The following PACRGL variants were observed in gnomAD, a reference collection of about 807,000 sequenced individuals.
PACRGL encodes PACRG-like protein.
PACRGL carries 38 observed loss-of-function variants against 34.5 expected under a neutral mutation model. That is an observed-to-expected ratio of 1.10 (90% CI 0.85 to 1.44). The LOEUF is 1.44. Ranked by LOEUF, PACRGL falls within the 40% of genes most tolerant of loss-of-function variation. The pLI, the probability that PACRGL is intolerant of heterozygous loss-of-function variation, is 0.00. For synonymous variants in PACRGL, 128 were observed against 100.1 expected (o/e 1.28, Z -1.66); for missense variants, 305 against 281.4 (o/e 1.08, Z -0.60).
intron 7 of PACRGL, chr4:20,716,328 G>A (rs1268640546): frequency 8.7e-6 from 5 of 573,018 alleles, no homozygotes; most frequent in Middle Eastern, 2.6e-4. Context: ...AGTTATTCAT[G>A]CAGTGTTTTT....
chr4:20,748,560 T>TA (rs1752879061), intron 8 of PACRGL, among the ~76,000 whole-genome samples: 11 of 64,898 alleles, frequency 1.7e-4, no homozygotes, highest in South Asian at 5.6e-4. Context: ...CTTCCAAATT[T>TA]TATATATATA....
At position 20,717,514 on chromosome 4, in the gene PACRGL, A is replaced by T. The variant is rs538303650; in HGVS notation, c.609+3975A>T. Among the ~76,000 whole-genome samples, 632 of 152,208 alleles carry T rather than the reference A, an allele frequency of 4.2e-3. 9 individuals carry two copies. Among genetic ancestry groups the T allele is most frequent in the African/African-American group, 0.014 (597 of 41,534 alleles). The stretch of plus-strand genomic sequence containing the variant: ...CCATCTTGAATTAATTTTTGTATAA[A>T]GTGTAAGGAAGGGATCCAGTTTCAG... On this transcript the variant is annotated intron_variant, in intron 7 of 8. Transcript: ENST00000503585.
At chr4:20,704,839 CAG>C in intron 3 of PACRGL, 25 bp downstream of exon 3, 2 of 1,610,646 alleles carry the variant, frequency 1.2e-6, no homozygotes, top group African/African-American at 2.7e-5. Context: ...ATTCCTAACT[CAG>C]TAGATTTTTT....
Position 20,704,659 on chromosome 4 carries a change from G to C in PACRGL, c.53-1G>C. 3.1e-6 allele frequency: 5 copies of C among 1,613,736 alleles called. No individual in the cohort carries two copies. The highest frequency in any genetic ancestry group is 3.4e-6 in the Non-Finnish European group (4 of 1,179,896). On this transcript the variant is annotated splice_acceptor_variant, in intron 2 of 8. Transcript: ENST00000503585. LOFTEE classifies it high-confidence loss of function. Reference sequence around the variant, plus strand: ...TCTATTGATGTTCTGTTTTTTTCCAGGTAACTATGATCAAAGGACATCATC... The same window carrying C: ...TCTATTGATGTTCTGTTTTTTTCCACGTAACTATGATCAAAGGACATCATC...
At chr4:20,712,204 T>C (rs984339626) in intron 5 of PACRGL, among the ~76,000 whole-genome samples, 12 of 151,776 alleles carry the variant, frequency 7.9e-5, no homozygotes, top group Non-Finnish European at 1.6e-4. Context: ...TTTCTTCTTA[T>C]ATTTTTTCTT....
chr4:20,742,849 TA>T (rs1044985092), intron 8 of PACRGL, among the ~76,000 whole-genome samples: 7 of 152,172 alleles, frequency 4.6e-5, no homozygotes, highest in Admixed American at 3.9e-4. Flanking sequence ...CTTAAACTGA[TA>T]AGCAACTTAA....
intron 7 of PACRGL, among the ~76,000 whole-genome samples, chr4:20,717,111 G>T (rs1306294761): frequency 6.6e-6 from 1 of 152,120 alleles, no homozygotes; most frequent in African/African-American, 2.4e-5. Flanking sequence ...TCATGTGTCT[G>T]TTGGCTGCAT....
In PACRGL at chr4:20,714,985, C is replaced by T. The variant is rs568287654; in HGVS notation, c.609+1446C>T. Among the ~76,000 whole-genome samples the T allele has an allele frequency of 4.0e-3, 603 of 152,106 alleles. 5 individuals carry two copies. Among genetic ancestry groups the T allele is most frequent in the African/African-American group, 0.014 (563 of 41,514 alleles). On this transcript the variant is annotated intron_variant, in intron 7 of 8. Transcript: ENST00000503585. ...AAGACACATGCACACGTATGTTTAT[C>T]GTGGCACTACTCAAAATAGCAAAGA...
chr4:20,704,945 G>A (rs1301331006), intron 3 of PACRGL, 131 bp downstream of exon 3: 1 of 1,019,790 alleles, frequency 9.8e-7, no homozygotes, highest in Non-Finnish European at 1.5e-6. Flanking sequence ...AAGGGCATGT[G>A]GTTATTATGA....
intron 8 of PACRGL, among the ~76,000 whole-genome samples, chr4:20,725,707 G>C (rs1745348210): frequency 6.6e-6 from 1 of 152,004 alleles, no homozygotes; most frequent in African/African-American, 2.4e-5. Context: ...TAAAATGGCA[G>C]ACATAAAGCT....
downstream of PACRGL, among the ~76,000 whole-genome samples, chr4:20,755,030 A>G (rs540083376): frequency 1.3e-5 from 2 of 152,268 alleles, no homozygotes; most frequent in East Asian, 3.9e-4. Context: ...CCCCAAATTA[A>G]TCTCTCATTA....
chr4:20,702,431 G>A (rs1424826908), intron 1 of PACRGL, among the ~76,000 whole-genome samples: 1 of 152,088 alleles, frequency 6.6e-6, no homozygotes, highest in African/African-American at 2.4e-5. Flanking sequence ...AAAACATGTG[G>A]TTTCACTATT....
At chr4:20,751,279 A>G (rs1753570736) in intron 8 of PACRGL, among the ~76,000 whole-genome samples, 1 of 152,240 alleles carries the variant, frequency 6.6e-6, no homozygotes, top group Non-Finnish European at 1.5e-5. Context: ...ACACTGTGAC[A>G]TCTAGAGTGG....
downstream of PACRGL, among the ~76,000 whole-genome samples, chr4:20,737,177 G>A (rs1266948488): frequency 1.3e-5 from 2 of 152,182 alleles, no homozygotes; most frequent in Non-Finnish European, 2.9e-5. Context: ...AAAGCCACAA[G>A]GAATTCCAAT....
intron 7 of PACRGL, among the ~76,000 whole-genome samples, chr4:20,718,452 ATAT>A (rs1244490536): frequency 2.0e-5 from 3 of 152,080 alleles, no homozygotes; most frequent in African/African-American, 7.2e-5. Context: ...ATTCAGTATG[ATAT>A]TGGTTGTGGG....
At chr4:20,744,129 A>T (rs1288164869) in intron 8 of PACRGL, among the ~76,000 whole-genome samples, 1 of 151,944 alleles carries the variant, frequency 6.6e-6, no homozygotes, top group Non-Finnish European at 1.5e-5. Flanking sequence ...GCTGGAGAGG[A>T]TGTGGAGAAA....
chr4:20,760,595 T>A, the PACRGL span, among the ~76,000 whole-genome samples: 1 of 152,200 alleles, frequency 6.6e-6, no homozygotes, highest in South Asian at 2.1e-4. Context: ...AGCTTCTCGA[T>A]ATGGTTTTAT....
Position 20,702,268 on chromosome 4 carries a change from G to A in PACRGL, c.-17+1481G>A, listed in dbSNP as rs771783348. The A allele has an allele frequency of 4.8e-5, 22 of 454,882 alleles. 1 individual carries two copies. Among genetic ancestry groups the A allele is most frequent in the South Asian group, 3.3e-4 (21 of 64,366 alleles). 28.2% of individuals were successfully genotyped at this position (454,882 alleles called of 1,614,324 possible). The stretch of plus-strand genomic sequence containing the variant: ...GCATCATAATTTGATATGGCTGCCT[G>A]TGCCCTTGTTATGTTTGTGGGTACG... On this transcript the variant is annotated intron_variant, in intron 1 of 8. Coordinates refer to ENST00000503585, the MANE Select transcript of PACRGL (RefSeq NM_001258345.3).
At chr4:20,752,891 A>G (rs1437974647), downstream of PACRGL, 1 of 152,360 alleles carries the variant, frequency 6.6e-6, no homozygotes, top group East Asian at 1.9e-4. Flanking sequence ...AATATTTGTT[A>G]AAAGAGTGAT....
Sources: allele counts gnomAD v4.1 joint callset (sites outside exome capture counted in the v4.1 genomes callset), GRCh38; gene constraint gnomAD v4.1.1; transcripts MANE v1.5; gene names NCBI Gene and HGNC (gene_info 2026-07-23, HGNC 2026-07-21).